The following ZNF740 variants were observed in gnomAD, a reference collection of about 807,000 sequenced individuals.
ZNF740 encodes the protein zinc finger protein 740.
In ZNF740, 14 loss-of-function variants were observed where a neutral mutation model predicts 24.8. The observed-to-expected ratio is 0.56, with a 90% CI of 0.37 to 0.88. The LOEUF (loss-of-function observed/expected upper bound fraction) is 0.88. Among genes scored for constraint, ZNF740 ranks in the 40% least tolerant of loss-of-function variants. The pLI, the probability that ZNF740 is intolerant of heterozygous loss-of-function variation, is 0.00. For missense variants in ZNF740, 201 were observed against 247.9 expected (o/e 0.81, Z 1.27); for synonymous variants, 69 against 84.0 (o/e 0.82, Z 0.98).
At position 53,180,731 on chromosome 12, in the gene ZNF740, C is replaced by T. The variant is rs914098768; in HGVS notation, c.-414C>T. On this transcript the variant is annotated 5_prime_UTR_variant, in exon 1 of 7. Transcript: ENST00000416904. ...GCCGGGGTTGGTGTTTGTAAACTTG[C>T]CTCGGTCCCGGTGGGGGCAGCCGCG... The T allele has an allele frequency of 1.6e-6, 2 of 1,264,234 alleles. No homozygotes were observed. The highest frequency in any genetic ancestry group is 2.0e-6 in the Non-Finnish European group (2 of 976,402). 78.3% of individuals were successfully genotyped at this position (1,264,234 alleles called of 1,614,324 possible).
At chr12:53,181,633 A>C (rs760073574) in intron 1 of ZNF740, 44 bp from the exon 2 acceptor site, 53 of 475,008 alleles carry the variant, frequency 1.1e-4, no homozygotes, top group Non-Finnish European at 1.6e-4. Flanking sequence ...TAATGGCCTG[A>C]AGATGTTGCA....
In ZNF740 at chr12:53,187,862, G is replaced by C. The variant is rs911976096; in HGVS notation, c.*272G>C. On this transcript the variant is annotated 3_prime_UTR_variant, in exon 7 of 7. Transcript: ENST00000416904. ...ACCCTTGGCTGAGGTCATAGGTGGG[G>C]ACTCAAGGTACAGGACCAAGACTGA... The C allele has an allele frequency of 2.8e-5, 13 of 457,188 alleles. No individual in the cohort carries two copies. Among genetic ancestry groups the C allele is most frequent in the Admixed American group, 7.1e-5 (2 of 27,984 alleles). 28.3% of individuals were successfully genotyped at this position (457,188 alleles called of 1,614,324 possible).
In ZNF740 at chr12:53,194,236, C is replaced by T. The variant is rs908705046; in HGVS notation, c.*6646C>T. On this transcript the variant is annotated 3_prime_UTR_variant, in exon 7 of 7. Coordinates refer to ENST00000416904, the MANE Select transcript of ZNF740 (RefSeq NM_001004304.4). Reference sequence around the variant, plus strand: ...CGGACGTGGTTGCACTGTCCTCGATCCTCAGCCTTACCCTCCCTCTTCTCA... The same window carrying T: ...CGGACGTGGTTGCACTGTCCTCGATTCTCAGCCTTACCCTCCCTCTTCTCA... The T allele has an allele frequency of 2.5e-6, 4 of 1,614,000 alleles. No homozygotes were observed. Among genetic ancestry groups the T allele is most frequent in the Non-Finnish European group, 2.5e-6 (3 of 1,180,034 alleles).
At chr12:53,184,160 C>T (rs776157187) in intron 2 of ZNF740, among the ~76,000 whole-genome samples, 14 of 121,182 alleles carry the variant, frequency 1.2e-4, no homozygotes, top group East Asian at 6.4e-4. Context: ...TGCGCGCGCG[C>T]GCTCTGAAGC....
intron 2 of ZNF740, among the ~76,000 whole-genome samples, chr12:53,184,150 T>TGTGTGTGTGTGTGTGCGCGCGCGC (rs59250662): frequency 5.7e-5 from 6 of 104,422 alleles, no homozygotes; most frequent in African/African-American, 2.2e-4. Flanking sequence ...TGTGTGTGTG[T>TGTGTGTGTGTGTGTGCGCGCGCGC]GCGCGCGCGC....
rs768563900 is a variant in ZNF740 at position 53,192,942 on chromosome 12, A to G, written c.*5352A>G. Reference sequence around the variant, plus strand: ...TAGAGCCATGCAGAGGGTGACAACCATACTCCACACACACAGTTGGCCATC... The same window carrying G: ...TAGAGCCATGCAGAGGGTGACAACCGTACTCCACACACACAGTTGGCCATC... On this transcript the variant is annotated 3_prime_UTR_variant, in exon 7 of 7. Transcript: ENST00000416904. 4 of 1,598,414 alleles carry G rather than the reference A, an allele frequency of 2.5e-6. No homozygotes were observed. Among genetic ancestry groups the G allele is most frequent in the African/African-American group, 2.7e-5 (2 of 74,604 alleles).
chr12:53,187,193 T>C (rs1032557152), intron 6 of ZNF740, among the ~76,000 whole-genome samples: 3 of 152,226 alleles, frequency 2.0e-5, no homozygotes, highest in African/African-American at 7.2e-5. Flanking sequence ...AAATCTTTGA[T>C]GAATAAAGCA....
chr12:53,182,224 C>T (rs1217136061), intron 2 of ZNF740: 11 of 578,112 alleles, frequency 1.9e-5, no homozygotes, highest in Non-Finnish European at 3.4e-5. Context: ...ACTGATGGGA[C>T]ATTTGCAAAG....
rs1046507650 is a variant in ZNF740, at chr12:53,193,074, TC to T, written c.*5487del. ...ATATTTGCCTTCCATGCCAGGAGAT[TC>T]CCAGAGCCTAAGTGCCTTGGGAAGG... On this transcript the variant is annotated 3_prime_UTR_variant, in exon 7 of 7. Coordinates refer to ENST00000416904, the MANE Select transcript of ZNF740 (RefSeq NM_001004304.4). The T allele has an allele frequency of 4.8e-6, 7 of 1,469,530 alleles. No individual in the cohort carries two copies. Among genetic ancestry groups the T allele is most frequent in the Non-Finnish European group, 6.6e-6 (7 of 1,067,216 alleles). 91.0% of individuals were successfully genotyped at this position (1,469,530 alleles called of 1,614,324 possible). A position where few individuals can be genotyped will look rare whatever the true frequency, so the allele number is the denominator to read the frequency against.
In ZNF740 at chr12:53,185,037, T is replaced by G; in HGVS notation, c.156T>G (p.Ser52Arg). The change falls in exon 3 of 7, where the codon AGT becomes AGG. Residue 52 changes from serine (S) to arginine (R), a missense_variant. Ser to Arg is a moderately radical substitution (Grantham distance 110). This residue lies in a region of ZNF740 where 117 missense variants were observed against 122.3 expected (regional missense o/e 0.96). Transcript: ENST00000416904. ...GCCCTGATGTGCTGAGGTGCTCGAG[T>G]CAGGTACAGCGCTTGAGTCCATTGT... ...AGSPDVLRCS[S>R]QGHRKDSDKS... The G allele has an allele frequency of 1.9e-6, 3 of 1,613,694 alleles. No homozygotes were observed. Among genetic ancestry groups the G allele is most frequent in the Non-Finnish European group, 2.5e-6 (3 of 1,179,840 alleles).
intron 6 of ZNF740, 135 bp from the exon 7 acceptor site, chr12:53,187,366 A>G: frequency 1.4e-6 from 1 of 715,672 alleles, no homozygotes; most frequent in Non-Finnish European, 2.4e-6. Flanking sequence ...ATTCTCCACC[A>G]CCGTGTGCTC....
chr12:53,194,424 C>G lies in ZNF740; in HGVS notation c.*6834C>G. The G allele has an allele frequency of 1.4e-6, 2 of 1,429,142 alleles. No homozygotes were observed. The highest frequency in any genetic ancestry group is 1.2e-5 in the South Asian group (1 of 80,062). 88.5% of individuals were successfully genotyped at this position (1,429,142 alleles called of 1,614,324 possible). On this transcript the variant is annotated 3_prime_UTR_variant, in exon 7 of 7. Transcript: ENST00000416904. ...CCACCTTATGTCCTCTCCAGGTGTTCCCAATTCTGCCAGCACCCTGCCCTC... is the reference window on the plus strand; with the variant it reads ...CCACCTTATGTCCTCTCCAGGTGTTGCCAATTCTGCCAGCACCCTGCCCTC...
Position 53,193,084 on chromosome 12 carries a change from T to A in ZNF740, c.*5494T>A. The A allele has an allele frequency of 2.0e-6, 3 of 1,496,410 alleles. No individual in the cohort carries two copies. The highest frequency in any genetic ancestry group is 1.8e-6 in the Non-Finnish European group (2 of 1,087,394). 92.7% of individuals were successfully genotyped at this position (1,496,410 alleles called of 1,614,324 possible). ...TCCATGCCAGGAGATTCCCAGAGCCTAAGTGCCTTGGGAAGGCCTCTCAGA... is the reference window on the plus strand; with the variant it reads ...TCCATGCCAGGAGATTCCCAGAGCCAAAGTGCCTTGGGAAGGCCTCTCAGA... On this transcript the variant is annotated 3_prime_UTR_variant, in exon 7 of 7. Coordinates refer to ENST00000416904, the MANE Select transcript of ZNF740 (RefSeq NM_001004304.4).
intron 1 of ZNF740, 182 bp downstream of exon 1, chr12:53,181,019 GCGCGTCCCGC>G (rs1428118917): frequency 1.2e-6 from 1 of 862,042 alleles, no homozygotes; most frequent in Non-Finnish European, 1.5e-6. Context: ...CCCCCTGCCC[GCGCGTCCCGC>G]CGCGTCCCCG....
In ZNF740 at chr12:53,192,600, A is replaced by T; in HGVS notation, c.*5010A>T. On this transcript the variant is annotated 3_prime_UTR_variant, in exon 7 of 7. Transcript: ENST00000416904. Reference sequence around the variant, plus strand: ...GTTGTCACCCAATGCCCCTTGCCCAACTACAAGCAGGACGGAGAGTAGGCA... The same window carrying T: ...GTTGTCACCCAATGCCCCTTGCCCATCTACAAGCAGGACGGAGAGTAGGCA... The T allele has an allele frequency of 1.9e-6, 3 of 1,598,646 alleles. No individual in the cohort carries two copies. The highest frequency in any genetic ancestry group is 2.6e-6 in the Non-Finnish European group (3 of 1,168,022).
rs201711140 is a variant in ZNF740 at position 53,194,232 on chromosome 12, C to T, written c.*6642C>T. 6.6e-4 allele frequency: 1,063 copies of T among 1,614,012 alleles called. 2 individuals are homozygous for T. Among genetic ancestry groups the T allele is most frequent in the Non-Finnish European group, 5.3e-4 (625 of 1,179,982 alleles). The stretch of plus-strand genomic sequence containing the variant: ...GATTCGGACGTGGTTGCACTGTCCT[C>T]GATCCTCAGCCTTACCCTCCCTCTT... On this transcript the variant is annotated 3_prime_UTR_variant, in exon 7 of 7. Coordinates refer to ENST00000416904, the MANE Select transcript of ZNF740 (RefSeq NM_001004304.4).
At position 53,186,458 on chromosome 12, in the gene ZNF740, C is replaced by T. The variant is rs1304351050; in HGVS notation, c.441C>T (p.His147=). The part of the protein sequence containing the change: ...RFIQKYHLER[H]KRVHSGEKPY... ...TCCAGAAGTACCACCTGGAACGCCA[C>T]AAGCGTGTGCACAGTGGTGAAAAGC... Residue 147 remains histidine, a synonymous_variant, in exon 6 of 7, where the codon CAC becomes CAT. Transcript: ENST00000416904. 6.3e-7 allele frequency: 1 copy of T among 1,591,354 alleles called. No individual in the cohort carries two copies.
At position 53,192,164 on chromosome 12, in the gene ZNF740, C is replaced by A. The variant is rs1217081241; in HGVS notation, c.*4574C>A. 6 of 1,218,066 alleles carry A rather than the reference C, an allele frequency of 4.9e-6. No homozygotes were observed. The highest frequency in any genetic ancestry group is 6.9e-6 in the Non-Finnish European group (6 of 873,180). The allele number at this position is 1,218,066 out of a possible 1,614,324, so 75.5% of individuals were successfully genotyped here. ...GGAGGTCCAAGGTTATCCTCACCGC[C>A]CAGGGCCTTAGCCTCGTCCACTTGC... On this transcript the variant is annotated 3_prime_UTR_variant, in exon 7 of 7. Transcript: ENST00000416904.
chr12:53,183,480 A>G (rs1941743963), intron 2 of ZNF740, among the ~76,000 whole-genome samples: 1 of 152,156 alleles, frequency 6.6e-6, no homozygotes, highest in African/African-American at 2.4e-5. Flanking sequence ...CTGACCAACG[A>G]TTTCTTAAAA....
Sources: allele counts gnomAD v4.1 joint callset (sites outside exome capture counted in the v4.1 genomes callset), GRCh38; gene constraint gnomAD v4.1.1; regional missense constraint gnomAD v4.1.1; transcripts MANE v1.5; gene names NCBI Gene and HGNC (gene_info 2026-07-23, HGNC 2026-07-21).